Variants in PACS2 observed in about 807,000 individuals in gnomAD.
PACS2 encodes the protein PACS1-like protein.
In PACS2, 36 loss-of-function variants were observed where a neutral mutation model predicts 113.0. The ratio of observed to expected loss-of-function variants is 0.32; its 90% CI spans 0.24 to 0.42. PACS2 has a LOEUF of 0.42. PACS2 is among the 10% of genes least tolerant of loss of function. PACS2 has a pLI of 1.00. For synonymous variants in PACS2, 589 were observed against 536.1 expected (o/e 1.10, Z -1.36); for missense variants, 1,015 against 1,239.5 (o/e 0.82, Z 2.72).
chr14:105,331,516 G>C (rs587716494), intron 1 of PACS2, among the ~76,000 whole-genome samples: 1 of 152,026 alleles, frequency 6.6e-6, no homozygotes, highest in Non-Finnish European at 1.5e-5. Flanking sequence ...TCTGGGGCTC[G>C]AGTCATCCTC....
chr14:105,345,987 A>G (rs1250374130), intron 1 of PACS2, among the ~76,000 whole-genome samples: 1 of 152,178 alleles, frequency 6.6e-6, no homozygotes, highest in Non-Finnish European at 1.5e-5. Context: ...TTTGTGATAT[A>G]CTGAGTTATG....
chr14:105,379,660 T>C (rs2080910048), intron 9 of PACS2, 79 bp from the exon 10 acceptor site: 6 of 1,131,468 alleles, frequency 5.3e-6, no homozygotes, highest in Non-Finnish European at 8.0e-6. Flanking sequence ...TCCCTCCAGG[T>C]GTGGTGGGAG....
At chr14:105,371,510 G>C (rs1478163894) in intron 8 of PACS2, 6 of 152,290 alleles carry the variant, frequency 3.9e-5, no homozygotes, top group Non-Finnish European at 8.8e-5. Context: ...ACAGCGTTGT[G>C]TGAAATTCAT....
upstream of PACS2, among the ~76,000 whole-genome samples, chr14:105,313,521 C>T (rs2058412016): frequency 6.6e-6 from 1 of 152,234 alleles, no homozygotes; most frequent in East Asian, 1.9e-4. Context: ...GCAGTCGCAG[C>T]TGTTTGCAGT....
chr14:105,398,021 T>C lies in PACS2; in HGVS notation c.*3349T>C, dbSNP rs1440709162. The C allele has an allele frequency of 6.6e-6, 1 of 151,814 alleles. No individual in the cohort carries two copies. The highest frequency in any genetic ancestry group is 1.5e-5 in the Non-Finnish European group (1 of 67,994). The allele number at this position is 151,814 out of a possible 1,614,324, so 9.4% of individuals were successfully genotyped here. On this transcript the variant is annotated 3_prime_UTR_variant, in exon 25 of 25. Transcript: ENST00000447393. Reference sequence around the variant, plus strand: ...GTTTCTAGGATGTATGTGTTGCTAGTTTTTTTTAATGAAACCCTGGATTAA... The same window carrying C: ...GTTTCTAGGATGTATGTGTTGCTAGCTTTTTTTAATGAAACCCTGGATTAA...
chr14:105,386,909 G>C (rs1043930751), intron 19 of PACS2, among the ~76,000 whole-genome samples: 1 of 152,188 alleles, frequency 6.6e-6, no homozygotes, highest in African/African-American at 2.4e-5. Context: ...GCTGTGGCAC[G>C]AGGAGCCTGC....
At chr14:105,303,579 G>C (rs186215647) in intron 1 of PACS2, among the ~76,000 whole-genome samples, 1 of 152,254 alleles carries the variant, frequency 6.6e-6, no homozygotes, top group East Asian at 1.9e-4. Flanking sequence ...TGAAATCATT[G>C]ATTTAAGATC....
At chr14:105,342,793 G>C (rs1326215665) in intron 1 of PACS2, among the ~76,000 whole-genome samples, 1 of 151,658 alleles carries the variant, frequency 6.6e-6, no homozygotes, top group South Asian at 2.1e-4. Context: ...AAATTAGCTG[G>C]GTGTGGTGGT....
In PACS2 at chr14:105,329,475, G is replaced by A. The variant is rs370030396; in HGVS notation, c.119+14438G>A. On this transcript the variant is annotated intron_variant, in intron 1 of 24. Transcript: ENST00000447393. The surrounding 1 kb of genome is among the most constrained non-coding windows in gnomAD (Gnocchi z 6.4). ...TCCAAACTGGCTGAGAGTCAAGGGG[G>A]TGTTCAGGGCCTCCAGGAGCTCTGG... is the stretch of plus-strand genomic sequence containing the variant. Among the ~76,000 whole-genome samples, 54 of 152,322 alleles carry A rather than the reference G, an allele frequency of 3.5e-4. No homozygotes were observed. The highest frequency in any genetic ancestry group is 1.2e-3 in the African/African-American group (51 of 41,576).
At chr14:105,391,512 T>TTCCCCCCCCCCCCC in intron 21 of PACS2, 119 bp from the exon 22 acceptor site, 11 of 611,298 alleles carry the variant, frequency 1.8e-5, no homozygotes, top group East Asian at 2.9e-5. Context: ...CACTGGGGAC[T>TTCCCCCCCCCCCCC]CCCACCCTGC....
chr14:105,380,688 G>T (rs1452847744), intron 11 of PACS2, among the ~76,000 whole-genome samples: 1 of 152,184 alleles, frequency 6.6e-6, no homozygotes, highest in Admixed American at 6.5e-5. Flanking sequence ...GCGTTGCATG[G>T]GGTCTCCTCA....
intron 1 of PACS2, among the ~76,000 whole-genome samples, chr14:105,326,908 T>C (rs1488141841): frequency 5.3e-5 from 8 of 152,288 alleles, no homozygotes; most frequent in Admixed American, 3.3e-4. Flanking sequence ...TTCCTTCGGC[T>C]CCTGCAGTTT....
At chr14:105,333,604 G>A (rs587719222) in intron 1 of PACS2, among the ~76,000 whole-genome samples, 2 of 152,360 alleles carry the variant, frequency 1.3e-5, no homozygotes, top group East Asian at 1.9e-4. Context: ...GGCCACTTGG[G>A]AAAGCTGAGC....
intron 1 of PACS2, among the ~76,000 whole-genome samples, chr14:105,333,117 A>G (rs150600234): frequency 5.1e-4 from 78 of 151,674 alleles, no homozygotes; most frequent in Non-Finnish European, 9.3e-4. Flanking sequence ...ACGCATACCC[A>G]CTCAGGCACA....
At chr14:105,364,373 C>CGTCCCGGGTGCGCGGTGGGCGGT (rs1199183484) in intron 4 of PACS2, among the ~76,000 whole-genome samples, 4 of 133,446 alleles carry the variant, frequency 3.0e-5, no homozygotes, top group Non-Finnish European at 4.7e-5. Context: ...GCACGGTGGG[C>CGTCCCGGGTGCGCGGTGGGCGGT]GTCCCGGGTG....
In PACS2 at chr14:105,392,442, G is replaced by C. The variant is rs997476568; in HGVS notation, c.2256-177G>C. 13 of 610,232 alleles carry C rather than the reference G, an allele frequency of 2.1e-5. No individual in the cohort carries two copies. In the South Asian group the frequency reaches 2.5e-4, roughly 12 times the overall value. The allele number at this position is 610,232 out of a possible 1,614,324, so 37.8% of individuals were successfully genotyped here. Reference sequence around the variant, plus strand: ...CCTGTAATTTAAGCAGGACCCTTGTGGGGGTGACTGGGCATGTGAACAGCT... The same window carrying C: ...CCTGTAATTTAAGCAGGACCCTTGTCGGGGTGACTGGGCATGTGAACAGCT... On this transcript the variant is annotated intron_variant, in intron 22 of 24. Transcript: ENST00000447393.
At chr14:105,364,781 C>A (rs2060887201) in intron 4 of PACS2, among the ~76,000 whole-genome samples, 1 of 150,080 alleles carries the variant, frequency 6.7e-6, no homozygotes, top group African/African-American at 2.5e-5. Context: ...ACTGCAGCCT[C>A]AAGCCCCTGG....
Position 105,397,882 on chromosome 14 carries a change from T to C in PACS2, c.*3210T>C, listed in dbSNP as rs1300887369. ...TCCTGCCGTCCGCGGGTGTGTGGCC[T>C]GTAGGGGACTGAGAGCTGGGCTTGC... On this transcript the variant is annotated 3_prime_UTR_variant, in exon 25 of 25. Transcript: ENST00000447393. The C allele has an allele frequency of 1.3e-5, 2 of 152,156 alleles. No homozygotes were observed. The highest frequency in any genetic ancestry group is 2.9e-5 in the Non-Finnish European group (2 of 68,026). 9.4% of individuals were successfully genotyped at this position (152,156 alleles called of 1,614,324 possible).
chr14:105,327,373 T>C (rs879485906), intron 1 of PACS2, among the ~76,000 whole-genome samples: 1 of 152,184 alleles, frequency 6.6e-6, no homozygotes, highest in Admixed American at 6.5e-5. Flanking sequence ...CTGGGGATCG[T>C]GGGCCTGAGG....
Sources: gnomAD v4.1 joint callset for allele counts (sites outside exome capture counted in the v4.1 genomes callset) on GRCh38, gnomAD v4.1.1 for gene constraint, Gnocchi (gnomAD v3.1) non-coding constraint, MANE v1.5 for transcripts, NCBI Gene and HGNC (gene_info 2026-07-23, HGNC 2026-07-21) for gene names.